MAP3K19: variants seen among roughly 807,000 people sequenced by gnomAD.
MAP3K19 encodes SPS1/STE20-related protein kinase YSK4.
Under a neutral mutation model 114.4 loss-of-function variants are expected in MAP3K19, and 91 were observed. The observed-to-expected ratio is 0.80, with a 90% CI of 0.67 to 0.95. MAP3K19 has a LOEUF of 0.95. Among genes scored for constraint, MAP3K19 ranks in the 40% least tolerant of loss-of-function variants. The pLI is 0.00. For missense variants in MAP3K19, 1,471 were observed against 1,573.2 expected (o/e 0.94, Z 1.10); for synonymous variants, 518 against 530.5 (o/e 0.98, Z 0.32).
At chr2:134,990,854 TG>T (rs1317548730) in intron 9 of MAP3K19, among the ~76,000 whole-genome samples, 10 of 152,206 alleles carry the variant, frequency 6.6e-5, no homozygotes, top group African/African-American at 2.2e-4. Flanking sequence ...ACACAAAATG[TG>T]TGTGTTAATC....
chr2:135,024,749 G>T lies in MAP3K19; in HGVS notation c.-94-8C>A. The stretch of plus-strand genomic sequence containing the variant: ...TCACAAAGTTTAGGATCTCTAGGAA[G>T]AACAGAATCAACATTAAAGTTTATT... On this transcript the variant is annotated splice_region_variant and splice_polypyrimidine_tract_variant and intron_variant, in intron 3 of 12. Coordinates refer to ENST00000392915, the MANE Select transcript of MAP3K19 (RefSeq NM_025052.5). 1 of 983,926 alleles carries T rather than the reference G, an allele frequency of 1.0e-6. No individual in the cohort carries two copies. Among genetic ancestry groups the T allele is most frequent in the Non-Finnish European group, 1.6e-6 (1 of 633,246 alleles). The allele number at this position is 983,926 out of a possible 1,614,324, so 60.9% of individuals were successfully genotyped here. A position where few individuals can be genotyped will look rare whatever the true frequency, so the allele number is the denominator to read the frequency against.
At chr2:134,997,053 A>AAACC (rs1573978590) in intron 8 of MAP3K19, among the ~76,000 whole-genome samples, 4 of 152,288 alleles carry the variant, frequency 2.6e-5, no homozygotes, top group East Asian at 3.9e-4. Flanking sequence ...TGTCTCAAAC[A>AAACC]AACCAACAAA....
chr2:135,014,955 G>A (rs771479824), intron 5 of MAP3K19, among the ~76,000 whole-genome samples: 4 of 152,084 alleles, frequency 2.6e-5, no homozygotes, highest in Non-Finnish European at 4.4e-5. Flanking sequence ...TTCTTGATAG[G>A]CACTTGGGTA....
Position 134,986,784 on chromosome 2 carries a change from A to G in MAP3K19, c.2088T>C (p.Arg696=), listed in dbSNP as rs1188271697. 6.2e-7 allele frequency: 1 copy of G among 1,614,114 alleles called. No individual in the cohort carries two copies. The highest frequency in any genetic ancestry group is 1.7e-5 in the Admixed American group (1 of 60,000). Residue 696 remains arginine, a synonymous_variant, in exon 10 of 13, where the codon CGT becomes CGC. Coordinates refer to ENST00000392915, the MANE Select transcript of MAP3K19 (RefSeq NM_025052.5). ...REICSAPSGR[R]ITNKCRSSHS... ...GTGAAGATCGACATTTATTGGTGAT[A>G]CGTCTGCCTGATGGAGCCGAACATA...
At chr2:134,985,233 C>T (rs1685010972) in intron 10 of MAP3K19, among the ~76,000 whole-genome samples, 1 of 152,224 alleles carries the variant, frequency 6.6e-6, no homozygotes, top group Admixed American at 6.5e-5. Flanking sequence ...GAGTCTTGTA[C>T]AGCACTATGC....
intron 5 of MAP3K19, among the ~76,000 whole-genome samples, chr2:135,020,448 T>A (rs1192594989): frequency 6.6e-6 from 1 of 152,198 alleles, no homozygotes; most frequent in Admixed American, 6.5e-5. Context: ...GCCTCCCAAG[T>A]AGCTGCGACT....
intron 4 of MAP3K19, chr2:135,023,384 A>G (rs1688112419): frequency 9.6e-6 from 5 of 520,836 alleles, no homozygotes; most frequent in South Asian, 4.3e-5. Flanking sequence ...TCTCACTCTC[A>G]TCAGTCCCTC....
intron 5 of MAP3K19, among the ~76,000 whole-genome samples, chr2:135,010,270 C>T (rs1687128958): frequency 6.6e-6 from 1 of 152,096 alleles, no homozygotes; most frequent in Non-Finnish European, 1.5e-5. Context: ...GTATCACAAT[C>T]AAAAAGGATG....
chr2:134,967,953 C>T (rs1043735292), intron 12 of MAP3K19, among the ~76,000 whole-genome samples: 5 of 151,594 alleles, frequency 3.3e-5, no homozygotes, highest in African/African-American at 1.2e-4. Flanking sequence ...GGAAGGTCAG[C>T]AGATAAACAA....
chr2:135,003,381 T>C (rs1056740841), intron 6 of MAP3K19, among the ~76,000 whole-genome samples: 1 of 152,224 alleles, frequency 6.6e-6, no homozygotes, highest in African/African-American at 2.4e-5. Flanking sequence ...GGTTCTTGTA[T>C]ACCTGCAACT....
chr2:134,984,718 C>A (rs1036121099), intron 10 of MAP3K19, among the ~76,000 whole-genome samples: 12 of 152,006 alleles, frequency 7.9e-5, no homozygotes, highest in African/African-American at 2.9e-4. Context: ...TTTGGGAGGC[C>A]GAGGAAGGTG....
At chr2:135,002,264 T>C (rs749990755) in intron 6 of MAP3K19, among the ~76,000 whole-genome samples, 23 of 152,178 alleles carry the variant, frequency 1.5e-4, no homozygotes, top group Non-Finnish European at 2.9e-4. Context: ...AAAATGACAT[T>C]CATAACCAGT....
intron 6 of MAP3K19, among the ~76,000 whole-genome samples, chr2:135,001,402 T>C (rs1445270903): frequency 1.3e-5 from 2 of 152,324 alleles, no homozygotes; most frequent in East Asian, 3.9e-4. Flanking sequence ...CCAGACTATG[T>C]AGCAAAAAAT....
intron 6 of MAP3K19, among the ~76,000 whole-genome samples, chr2:135,003,223 T>C (rs1383306111): frequency 1.3e-5 from 2 of 152,182 alleles, no homozygotes; most frequent in Non-Finnish European, 2.9e-5. Flanking sequence ...AGAAAATAAA[T>C]GTCTGCTATT....
chr2:135,005,467 C>A lies in MAP3K19; in HGVS notation c.203G>T (p.Gly68Val). The A allele has an allele frequency of 6.2e-7, 1 of 1,614,026 alleles. No individual in the cohort carries two copies. Among genetic ancestry groups the A allele is most frequent in the Admixed American group, 1.7e-5 (1 of 60,026 alleles). ...TLVNEEEDPS[G>V]GRQDWQPRTE... ...CCTGGGTTGCCAGTCCTGTCTACCA[C>A]CACTGGGATCTTCTTCTTCATTAAC... Residue 68 changes from glycine to valine, a missense_variant, in exon 6 of 13, where the codon GGT becomes GTT. Gly to Val is a moderately radical substitution (Grantham distance 109, BLOSUM62 -3). Transcript: ENST00000392915.
intron 5 of MAP3K19, among the ~76,000 whole-genome samples, chr2:135,019,227 A>T (rs780699410): frequency 2.6e-5 from 4 of 152,226 alleles, no homozygotes; most frequent in Admixed American, 6.5e-5. Flanking sequence ...TGATCCATAA[A>T]GAAAAAAATG....
At chr2:135,030,751 A>G (rs1197379528) in intron 2 of MAP3K19, among the ~76,000 whole-genome samples, 3 of 152,192 alleles carry the variant, frequency 2.0e-5, no homozygotes, top group African/African-American at 7.2e-5. Context: ...ATAACTGTCT[A>G]TAATCAAAAA....
intron 8 of MAP3K19, among the ~76,000 whole-genome samples, chr2:134,996,746 C>G (rs147268436): frequency 6.6e-6 from 1 of 152,134 alleles, no homozygotes. Flanking sequence ...CTGAAAGAGG[C>G]TGTTGAAGCT....
intron 1 of MAP3K19, among the ~76,000 whole-genome samples, chr2:135,042,268 C>T (rs1688659952): frequency 6.6e-6 from 1 of 152,006 alleles, no homozygotes. Context: ...TTTGGGAGGC[C>T]GAGGCGGGCG....
Sources: allele counts gnomAD v4.1 joint callset (sites outside exome capture counted in the v4.1 genomes callset), GRCh38; gene constraint gnomAD v4.1.1; transcripts MANE v1.5; gene names NCBI Gene and HGNC (gene_info 2026-07-23, HGNC 2026-07-21).